MIS18A: variants seen among roughly 807,000 people sequenced by gnomAD.
MIS18A encodes MIS18 kinetochore protein A, also known as protein Mis18-alpha.
A neutral mutation model predicts 25.0 loss-of-function variants in MIS18A; 14 were observed. The observed-to-expected ratio is 0.56, with a 90% CI of 0.37 to 0.88. The LOEUF (loss-of-function observed/expected upper bound fraction) is 0.88, where lower values mean the gene tolerates loss of function less well. Among genes scored for constraint, MIS18A ranks in the 40% least tolerant of loss-of-function variants. The pLI is 0.00. For missense variants in MIS18A, 292 were observed against 290.8 expected, an observed-to-expected ratio of 1.00 and a Z score of -0.03; for synonymous variants, 134 against 118.6, an observed-to-expected ratio of 1.13 and a Z score of -0.84.
chr21:32,232,218 T>A, the MIS18A span, among the ~76,000 whole-genome samples: 1 of 152,192 alleles, frequency 6.6e-6, no homozygotes, highest in East Asian at 1.9e-4. Context: ...TGAAGATCTA[T>A]ATATTCAGAT....
At chr21:32,181,335 T>C in the MIS18A span, among the ~76,000 whole-genome samples, 1 of 152,174 alleles carries the variant, frequency 6.6e-6, no homozygotes, top group African/African-American at 2.4e-5. Flanking sequence ...ATCGTAGGAC[T>C]CTTCAGCCTC....
At chr21:32,274,197 CTTTTTTTTTTT>C (rs1184186125) in intron 2 of MIS18A, among the ~76,000 whole-genome samples, 7 of 72,782 alleles carry the variant, frequency 9.6e-5, no homozygotes, top group Non-Finnish European at 1.7e-4. Context: ...TCCTTTTCTT[CTTTTTTTTTTT>C]TTTTTTTTTT....
the MIS18A span, among the ~76,000 whole-genome samples, chr21:32,173,989 G>T: frequency 4.8e-5 from 1 of 20,870 alleles, no homozygotes; most frequent in Non-Finnish European, 7.1e-5. Flanking sequence ...TTTTTGAGAC[G>T]GAGTCTCACT....
the MIS18A span, among the ~76,000 whole-genome samples, chr21:32,211,640 T>C: frequency 1.3e-5 from 2 of 152,200 alleles, no homozygotes; most frequent in African/African-American, 4.8e-5. Flanking sequence ...CAACCCATGA[T>C]GGAAGTCTTA....
chr21:32,241,526 A>C, the MIS18A span, among the ~76,000 whole-genome samples: 3 of 152,194 alleles, frequency 2.0e-5, no homozygotes, highest in African/African-American at 7.2e-5. Context: ...CCTTGGAAGG[A>C]ACATGGAGTT....
intron 2 of MIS18A, among the ~76,000 whole-genome samples, chr21:32,273,155 G>T (rs2031745414): frequency 6.6e-6 from 1 of 150,678 alleles, no homozygotes; most frequent in African/African-American, 2.5e-5. Context: ...AGATACATAG[G>T]GCAAAGGTTA....
chr21:32,184,675 C>T, the MIS18A span, among the ~76,000 whole-genome samples: 1 of 152,176 alleles, frequency 6.6e-6, no homozygotes, highest in Non-Finnish European at 1.5e-5. Context: ...CAACAGATGT[C>T]CCACTTGCAC....
At chr21:32,243,823 G>A in the MIS18A span, among the ~76,000 whole-genome samples, 1 of 152,100 alleles carries the variant, frequency 6.6e-6, no homozygotes, top group Non-Finnish European at 1.5e-5. Context: ...TTCGAGACTA[G>A]CCTGGCTAAC....
At chr21:32,161,009 G>A in the MIS18A span, among the ~76,000 whole-genome samples, 2 of 152,308 alleles carry the variant, frequency 1.3e-5, no homozygotes, top group Non-Finnish European at 2.9e-5. Flanking sequence ...GAGCAGAGGG[G>A]TAATTTTAAA....
At chr21:32,217,304 C>T in the MIS18A span, among the ~76,000 whole-genome samples, 15 of 151,970 alleles carry the variant, frequency 9.9e-5, no homozygotes, top group East Asian at 5.8e-4. Flanking sequence ...AGAATAAAAA[C>T]GACCCAAATA....
chr21:32,192,447 C>G, the MIS18A span, among the ~76,000 whole-genome samples: 1 of 152,170 alleles, frequency 6.6e-6, no homozygotes, highest in Non-Finnish European at 1.5e-5. Context: ...TCCCCACACT[C>G]CAGGAGCTTG....
the MIS18A span, among the ~76,000 whole-genome samples, chr21:32,167,876 C>G: frequency 5.3e-5 from 8 of 152,124 alleles, no homozygotes; most frequent in Non-Finnish European, 7.4e-5. Context: ...AAGGAGAAAA[C>G]ATAAGACTGA....
At chr21:32,186,039 G>A in the MIS18A span, among the ~76,000 whole-genome samples, 1 of 139,002 alleles carries the variant, frequency 7.2e-6, no homozygotes, top group East Asian at 2.0e-4. Context: ...TAAGCTCTGG[G>A]TGACTGTTTA....
At chr21:32,223,971 A>G in the MIS18A span, among the ~76,000 whole-genome samples, 1 of 152,242 alleles carries the variant, frequency 6.6e-6, no homozygotes, top group Non-Finnish European at 1.5e-5. Context: ...GGCTGGTTCA[A>G]CATACACAAA....
chr21:32,169,491 G>C, the MIS18A span, among the ~76,000 whole-genome samples: 3 of 152,148 alleles, frequency 2.0e-5, no homozygotes, highest in Non-Finnish European at 2.9e-5. Flanking sequence ...TGGAAAACGA[G>C]ATGTCCATAG....
chr21:32,184,321 C>T, the MIS18A span, among the ~76,000 whole-genome samples: 2 of 152,342 alleles, frequency 1.3e-5, no homozygotes, highest in South Asian at 2.1e-4. Context: ...CAGGATCTCA[C>T]TTCCATACTG....
downstream of MIS18A, among the ~76,000 whole-genome samples, chr21:32,266,923 C>T (rs1215531636): frequency 6.6e-6 from 1 of 152,006 alleles, no homozygotes; most frequent in African/African-American, 2.4e-5. Flanking sequence ...AAACTTGTTG[C>T]CTCAAGTAGT....
chr21:32,226,159 T>C, the MIS18A span, among the ~76,000 whole-genome samples: 2,321 of 138,540 alleles, frequency 0.017, 30 homozygotes, highest in Non-Finnish European at 0.026. Flanking sequence ...AGGGATAGCA[T>C]TGGGAGATAT....
At chr21:32,214,741 C>A in the MIS18A span, among the ~76,000 whole-genome samples, 1 of 152,234 alleles carries the variant, frequency 6.6e-6, no homozygotes, top group African/African-American at 2.4e-5. Context: ...ATGTTACCTA[C>A]AGCACAAGGA....
Sources: allele counts gnomAD v4.1 joint callset (sites outside exome capture counted in the v4.1 genomes callset), GRCh38; gene constraint gnomAD v4.1.1; transcripts MANE v1.5; gene names NCBI Gene and HGNC (gene_info 2026-07-23, HGNC 2026-07-21).